The following DPP10 variants were observed in gnomAD, a reference collection of about 807,000 sequenced individuals.
DPP10 encodes dipeptidyl peptidase like 10.
A neutral mutation model predicts 120.9 loss-of-function variants in DPP10; 33 were observed. The observed-to-expected ratio is 0.27, with a 90% CI of 0.21 to 0.37. The LOEUF (loss-of-function observed/expected upper bound fraction) is 0.37. Among genes scored for constraint, DPP10 ranks in the 10% least tolerant of loss-of-function variants. The probability of loss-of-function intolerance (pLI) is 1.00; values close to 1 mark genes in which losing one functional copy is unlikely to be tolerated. For missense variants in DPP10, 816 were observed against 942.8 expected (o/e 0.87, Z 1.76); for synonymous variants, 337 against 326.1 (o/e 1.03, Z -0.36).
rs903492362 is a variant in DPP10, at chr2:115,768,366, C to G, written c.1183C>G (p.Arg395Gly). The change falls in exon 13 of 26, where the codon CGT (arginine) becomes GGT (glycine). Residue 395 changes from arginine (R) to glycine (G), a missense_variant. Arg to Gly is a moderately radical substitution (Grantham distance 125). Coordinates refer to ENST00000410059, the MANE Select transcript of DPP10 (RefSeq NM_020868.6). Reference sequence around the variant, plus strand: ...GACAGTGCCTGTTAAGCAAGGGGGACGTGGAGAATTTCACCACGTAGCTAT... The same window carrying G: ...GACAGTGCCTGTTAAGCAAGGGGGAGGTGGAGAATTTCACCACGTAGCTAT... ...FMTVPVKQGG[R>G]GEFHHVAMFL... The G allele has an allele frequency of 1.2e-6, 2 of 1,613,466 alleles. No individual in the cohort carries two copies. The highest frequency in any genetic ancestry group is 3.3e-5 in the Admixed American group (2 of 59,968).
At chr2:115,268,073 A>G (rs2059535364) in intron 1 of DPP10, among the ~76,000 whole-genome samples, 1 of 152,208 alleles carries the variant, frequency 6.6e-6, no homozygotes, top group Non-Finnish European at 1.5e-5. Flanking sequence ...GTTTAATTAG[A>G]AGTCTCTCTC....
At chr2:115,199,712 A>C (rs2055553893) in intron 1 of DPP10, among the ~76,000 whole-genome samples, 1 of 152,204 alleles carries the variant, frequency 6.6e-6, no homozygotes, top group Admixed American at 6.5e-5. Flanking sequence ...AGCATGTATC[A>C]AGACTGAAGA....
intron 3 of DPP10, among the ~76,000 whole-genome samples, chr2:115,375,647 G>T (rs934917695): frequency 6.6e-6 from 1 of 152,112 alleles, no homozygotes; most frequent in Non-Finnish European, 1.5e-5. Context: ...ACCTGAGACT[G>T]GATAATTTAT....
intron 3 of DPP10, among the ~76,000 whole-genome samples, chr2:115,491,381 G>C (rs1162011033): frequency 6.6e-6 from 1 of 152,128 alleles, no homozygotes; most frequent in Non-Finnish European, 1.5e-5. Flanking sequence ...GTTAAAGACA[G>C]GTTTTCTTTA....
chr2:115,020,360 A>G (rs1702981876), intron 1 of DPP10, among the ~76,000 whole-genome samples: 1 of 152,202 alleles, frequency 6.6e-6, no homozygotes, highest in African/African-American at 2.4e-5. Context: ...AGGAGTAGCT[A>G]TTCTTATATC....
intron 1 of DPP10, among the ~76,000 whole-genome samples, chr2:114,941,677 T>C (rs1696911792): frequency 6.6e-6 from 1 of 152,196 alleles, no homozygotes; most frequent in East Asian, 1.9e-4. Context: ...TAATTCAATG[T>C]CATGAAAATA....
rs561110413 is a variant in DPP10, at chr2:115,181,041, C to T, written c.61-128198C>T. ...CACATCTCACCCCTATTTTGATTTA[C>T]GAATAAGGACAACTTAAAAACTATC... is the stretch of plus-strand genomic sequence containing the variant. On this transcript the variant is annotated intron_variant, in intron 1 of 25. Coordinates refer to ENST00000410059, the MANE Select transcript of DPP10 (RefSeq NM_020868.6). Among the ~76,000 whole-genome samples, 11 of 78,884 alleles carry T rather than the reference C, an allele frequency of 1.4e-4. 2 individuals carry two copies. In the South Asian group the frequency reaches 3.8e-3, roughly 27 times the overall value. 51.8% of individuals were successfully genotyped at this position (78,884 alleles called of 152,430 possible).
intron 3 of DPP10, among the ~76,000 whole-genome samples, chr2:115,481,745 G>A (rs933339900): frequency 1.3e-5 from 2 of 151,732 alleles, no homozygotes; most frequent in Admixed American, 6.6e-5. Context: ...TATTTTCAGG[G>A]TTCATCTATC....
At chr2:114,939,724 G>A (rs1000909527) in intron 1 of DPP10, among the ~76,000 whole-genome samples, 7 of 152,028 alleles carry the variant, frequency 4.6e-5, no homozygotes, top group African/African-American at 1.7e-4. Flanking sequence ...AAACACCTTA[G>A]AACTTGTGTT....
intron 1 of DPP10, among the ~76,000 whole-genome samples, chr2:114,977,735 T>C (rs1463062218): frequency 6.6e-6 from 1 of 152,212 alleles, no homozygotes; most frequent in Admixed American, 6.5e-5. Flanking sequence ...CCTGGTTTAC[T>C]TCTAGTATTC....
At chr2:114,969,115 A>C (rs763344283) in intron 1 of DPP10, among the ~76,000 whole-genome samples, 1 of 152,206 alleles carries the variant, frequency 6.6e-6, no homozygotes, top group Non-Finnish European at 1.5e-5. Flanking sequence ...TTGGTAGATT[A>C]ATAGAATCAT....
chr2:115,483,189 T>C (rs929441907), intron 3 of DPP10, among the ~76,000 whole-genome samples: 3 of 152,130 alleles, frequency 2.0e-5, no homozygotes, highest in African/African-American at 7.2e-5. Context: ...GATCACTTTA[T>C]TGGATACATA....
intron 3 of DPP10, among the ~76,000 whole-genome samples, chr2:115,493,856 G>T (rs2076256286): frequency 6.6e-6 from 1 of 152,122 alleles, no homozygotes; most frequent in Non-Finnish European, 1.5e-5. Flanking sequence ...GGAGAACAAG[G>T]TGGAAACCCC....
At chr2:114,960,528 G>A (rs780302989) in intron 1 of DPP10, among the ~76,000 whole-genome samples, 37 of 151,976 alleles carry the variant, frequency 2.4e-4, no homozygotes, top group Non-Finnish European at 4.7e-4. Flanking sequence ...TTTATCATGC[G>A]TTCATTTCCG....
At chr2:114,578,192 T>C (rs374255620) in intron 1 of DPP10, among the ~76,000 whole-genome samples, 9 of 152,330 alleles carry the variant, frequency 5.9e-5, no homozygotes, top group Middle Eastern at 3.4e-3. Flanking sequence ...TCTGTACAAA[T>C]GTAATTGGCT....
intron 1 of DPP10, among the ~76,000 whole-genome samples, chr2:114,932,907 A>G (rs992377963): frequency 5.3e-5 from 8 of 152,198 alleles, no homozygotes; most frequent in African/African-American, 1.9e-4. Context: ...TTAAGCTTCC[A>G]TCACCTAACC....
At chr2:115,714,059 C>T (rs1029844856) in intron 7 of DPP10, among the ~76,000 whole-genome samples, 1 of 152,174 alleles carries the variant, frequency 6.6e-6, no homozygotes, top group Non-Finnish European at 1.5e-5. Context: ...TTTTCTGCTT[C>T]TATTCATTTC....
intron 1 of DPP10, among the ~76,000 whole-genome samples, chr2:115,242,672 ATTTT>A (rs539909325): frequency 1.6e-5 from 2 of 124,188 alleles, no homozygotes; most frequent in African/African-American, 2.9e-5. Flanking sequence ...GCCAACATCT[ATTTT>A]TTTTTTTTTT....
chr2:114,978,150 C>T (rs1404601765), intron 1 of DPP10, among the ~76,000 whole-genome samples: 3 of 152,122 alleles, frequency 2.0e-5, no homozygotes, highest in African/African-American at 4.8e-5. Context: ...ACATTGGCAA[C>T]GTTAATCAGT....
Sources: allele counts gnomAD v4.1 joint callset (sites outside exome capture counted in the v4.1 genomes callset), GRCh38; gene constraint gnomAD v4.1.1; transcripts MANE v1.5; gene names NCBI Gene and HGNC (gene_info 2026-07-23, HGNC 2026-07-21).